The following CDYL2 variants were observed in gnomAD, a reference collection of about 807,000 sequenced individuals.
The protein encoded by CDYL2 is chromodomain Y like 2, also known as chromodomain Y-like protein 2.
A neutral mutation model predicts 49.4 loss-of-function variants in CDYL2; 23 were observed. The observed-to-expected ratio is 0.47, with a 90% CI of 0.34 to 0.66. The LOEUF is 0.66. CDYL2 is among the 30% of genes least tolerant of loss of function. The pLI is 0.01. For missense variants in CDYL2, 678 were observed against 656.4 expected, an observed-to-expected ratio of 1.03 and a Z score of -0.36; for synonymous variants, 360 against 268.8, an observed-to-expected ratio of 1.34 and a Z score of -3.32.
chr16:80,679,465 T>C (rs1010120984), intron 2 of CDYL2, among the ~76,000 whole-genome samples: 2 of 152,110 alleles, frequency 1.3e-5, no homozygotes, highest in African/African-American at 4.8e-5. Flanking sequence ...TGCAGTCAAA[T>C]TGCCTGAGTT....
intron 2 of CDYL2, among the ~76,000 whole-genome samples, chr16:80,633,883 A>G (rs1028354261): frequency 7.9e-5 from 12 of 152,172 alleles, no homozygotes; most frequent in Non-Finnish European, 1.8e-4. Context: ...CCCTCCTGAA[A>G]AGGTTTGAAA....
At chr16:80,632,430 T>C (rs1907605658) in intron 3 of CDYL2, among the ~76,000 whole-genome samples, 1 of 152,232 alleles carries the variant, frequency 6.6e-6, no homozygotes, top group South Asian at 2.1e-4. Flanking sequence ...ATGAAGTTAC[T>C]ATTTCATGTG....
intron 1 of CDYL2, among the ~76,000 whole-genome samples, chr16:80,762,647 A>G (rs896938687): frequency 6.6e-6 from 1 of 152,210 alleles, no homozygotes; most frequent in Non-Finnish European, 1.5e-5. Context: ...TCTATAAAGT[A>G]TTTGTAACCC....
intron 1 of CDYL2, among the ~76,000 whole-genome samples, chr16:80,767,746 G>C (rs952603943): frequency 2.0e-5 from 3 of 152,186 alleles, no homozygotes; most frequent in Admixed American, 6.5e-5. Flanking sequence ...GCTTGTGGCA[G>C]AGTAGTCATT....
intron 1 of CDYL2, among the ~76,000 whole-genome samples, chr16:80,765,684 G>GGA (rs1308134750): frequency 6.9e-6 from 1 of 145,708 alleles, no homozygotes; most frequent in Non-Finnish European, 1.5e-5. Context: ...ACTGAAAAGT[G>GGA]GATAAGCAAA....
At chr16:80,762,873 G>A (rs370204585) in intron 1 of CDYL2, among the ~76,000 whole-genome samples, 1 of 152,150 alleles carries the variant, frequency 6.6e-6, no homozygotes, top group Admixed American at 6.5e-5. Flanking sequence ...GAATGTGTGT[G>A]TTACATCTGT....
chr16:80,653,973 T>TCCTCATGCATGGGGCTG (rs2142424066), intron 2 of CDYL2, among the ~76,000 whole-genome samples: 1 of 152,278 alleles, frequency 6.6e-6, no homozygotes, highest in East Asian at 1.9e-4. Context: ...TGAGCCATCT[T>TCCTCATGCATGGGGCTG]CCTCATGCAT....
In CDYL2 at chr16:80,604,415, G is replaced by A. The variant is rs1906238876; in HGVS notation, c.1494C>T (p.Tyr498=). 3 of 1,614,206 alleles carry A rather than the reference G, an allele frequency of 1.9e-6. No individual in the cohort carries two copies. Among genetic ancestry groups the A allele is most frequent in the Non-Finnish European group, 2.5e-6 (3 of 1,180,036 alleles). Residue 498 remains tyrosine (Y), a synonymous_variant, in exon 7 of 7, where the codon TAC becomes TAT. Coordinates refer to ENST00000570137, the MANE Select transcript of CDYL2 (RefSeq NM_152342.4). ...AGACTTCATAAATTTTGTCCTGCAG[G>A]TAGCTGAAAAGGGAGTCAAGGCCTT... is the stretch of plus-strand genomic sequence containing the variant. ...SSKGLDSLFS[Y]LQDKIYEV is the part of the protein sequence containing the mutation.
At chr16:80,773,447 A>C (rs569477318) in intron 1 of CDYL2, among the ~76,000 whole-genome samples, 2 of 152,316 alleles carry the variant, frequency 1.3e-5, no homozygotes, top group South Asian at 4.1e-4. Flanking sequence ...AGCAAGGTTA[A>C]ATATCTGAAT....
At position 80,735,666 on chromosome 16, in the gene CDYL2, G is replaced by C. The variant is rs190091242; in HGVS notation, c.25-50537C>G. Among the ~76,000 whole-genome samples the C allele has an allele frequency of 7.8e-4, 119 of 152,288 alleles. 1 individual carries two copies. Among genetic ancestry groups the C allele is most frequent in the African/African-American group, 2.8e-3 (115 of 41,560 alleles). ...GAGCTCTGGTGTCTATTCTAGAAAA[G>C]CTCCGGGAAGTTTTGTGCATAGACC... On this transcript the variant is annotated intron_variant, in intron 1 of 6. Transcript: ENST00000570137.
At chr16:80,754,156 G>A (rs76656395) in intron 1 of CDYL2, among the ~76,000 whole-genome samples, 3,900 of 152,224 alleles carry the variant, frequency 0.026, 91 homozygotes, top group East Asian at 0.07. Context: ...CCCAAGAGCC[G>A]CCACTGTGCA....
intron 2 of CDYL2, among the ~76,000 whole-genome samples, chr16:80,683,547 T>G (rs1247285046): frequency 2.0e-5 from 3 of 147,438 alleles, no homozygotes; most frequent in Non-Finnish European, 4.5e-5. Flanking sequence ...TGTGTTAGAG[T>G]AAGAGGCTGC....
chr16:80,756,482 C>G (rs982413420), intron 1 of CDYL2, among the ~76,000 whole-genome samples: 1 of 151,962 alleles, frequency 6.6e-6, no homozygotes, highest in South Asian at 2.1e-4. Flanking sequence ...CTCAATGAAA[C>G]AAGGAATTTT....
chr16:80,659,997 G>A (rs1908976017), intron 2 of CDYL2, among the ~76,000 whole-genome samples: 1 of 151,932 alleles, frequency 6.6e-6, no homozygotes. Flanking sequence ...AGGAATGGCA[G>A]ACTGAAAACA....
intron 1 of CDYL2, among the ~76,000 whole-genome samples, chr16:80,790,431 G>A (rs1483940222): frequency 6.6e-6 from 1 of 152,180 alleles, no homozygotes; most frequent in Non-Finnish European, 1.5e-5. Context: ...ACAGTTTGAA[G>A]AAAGTCCATA....
intron 1 of CDYL2, among the ~76,000 whole-genome samples, chr16:80,801,114 G>A (rs186495409): frequency 7.2e-5 from 11 of 152,296 alleles, no homozygotes; most frequent in South Asian, 6.2e-4. Flanking sequence ...ATGTTTAGCC[G>A]AATATAGACC....
At chr16:80,729,466 C>T (rs1209781697) in intron 1 of CDYL2, among the ~76,000 whole-genome samples, 1 of 152,028 alleles carries the variant, frequency 6.6e-6, no homozygotes, top group Non-Finnish European at 1.5e-5. Flanking sequence ...CCTGAGTGAC[C>T]TACAAAGAGA....
intron 1 of CDYL2, among the ~76,000 whole-genome samples, chr16:80,799,519 T>C (rs1907863672): frequency 6.6e-6 from 1 of 152,214 alleles, no homozygotes; most frequent in Non-Finnish European, 1.5e-5. Flanking sequence ...ACACCCACAC[T>C]TCTTTTCACC....
intron 3 of CDYL2, among the ~76,000 whole-genome samples, chr16:80,629,782 T>G (rs992681729): frequency 6.6e-6 from 1 of 152,204 alleles, no homozygotes; most frequent in Non-Finnish European, 1.5e-5. Context: ...ATTATAACCA[T>G]GAAAGTGGTC....
Sources: gnomAD v4.1 joint callset for allele counts (sites outside exome capture counted in the v4.1 genomes callset) on GRCh38, gnomAD v4.1.1 for gene constraint, MANE v1.5 for transcripts, NCBI Gene and HGNC (gene_info 2026-07-23, HGNC 2026-07-21) for gene names.